SSB: variants seen among roughly 807,000 people sequenced by gnomAD.
The protein encoded by SSB is lupus La protein.
A neutral mutation model predicts 52.9 loss-of-function variants in SSB; 17 were observed. The ratio of observed to expected loss-of-function variants is 0.32; its 90% CI spans 0.22 to 0.48. The LOEUF is 0.48. SSB is among the 20% of genes least tolerant of loss of function. SSB has a pLI of 0.99. For missense variants in SSB, 314 were observed against 463.6 expected (o/e 0.68, Z 2.96); for synonymous variants, 111 against 152.1 (o/e 0.73, Z 1.99).
Position 169,810,433 on chromosome 2 carries a change from C to T in SSB, c.810+10C>T, listed in dbSNP as rs894534703. 1 of 1,581,004 alleles carries T rather than the reference C, an allele frequency of 6.3e-7. No homozygotes were observed. The highest frequency in any genetic ancestry group is 1.4e-5 in the African/African-American group (1 of 72,864). On this transcript the variant is annotated intron_variant, in intron 9 of 11. Coordinates refer to ENST00000260956, the MANE Select transcript of SSB (RefSeq NM_003142.5). ...CAGAGGAGCAAAAGAGGTTTGGATA[C>T]ATCCCTATCCTTTTTAGCAATCAGT...
At chr2:169,803,508 C>T (rs1013955567) in intron 2 of SSB, among the ~76,000 whole-genome samples, 8 of 152,050 alleles carry the variant, frequency 5.3e-5, no homozygotes, top group Non-Finnish European at 8.8e-5. Context: ...CTTCGGCCAC[C>T]CAAAGTGCTG....
chr2:169,804,600 C>T (rs1196168210), intron 2 of SSB, among the ~76,000 whole-genome samples: 4 of 151,774 alleles, frequency 2.6e-5, no homozygotes, highest in African/African-American at 9.7e-5. Context: ...GGCTGGAATG[C>T]AGTGGCACAA....
Position 169,811,988 on chromosome 2 carries a change from TA to T in SSB, c.*235del. The T allele has an allele frequency of 9.4e-7, 1 of 1,060,612 alleles. No individual in the cohort carries two copies. Among genetic ancestry groups the T allele is most frequent in the Non-Finnish European group, 1.4e-6 (1 of 730,152 alleles). 65.7% of individuals were successfully genotyped at this position (1,060,612 alleles called of 1,614,324 possible). On this transcript the variant is annotated 3_prime_UTR_variant, in exon 12 of 12. Coordinates refer to ENST00000260956, the MANE Select transcript of SSB (RefSeq NM_003142.5). ...AATATCAAAAGGAAGATTCTTCCAT[TA>T]AATTGCCTTTGTAATATGAGAATGT...
Position 169,805,493 on chromosome 2 carries a change from A to C in SSB, c.86A>C (p.Asn29Thr). 1 of 1,613,344 alleles carries C rather than the reference A, an allele frequency of 6.2e-7. No individual in the cohort carries two copies. Among genetic ancestry groups the C allele is most frequent in the African/African-American group, 1.3e-5 (1 of 75,048 alleles). ...HQIEYYFGDF[N>T]LPRDKFLKEQ... is the part of the protein sequence containing the mutation. ...TCACAGTATTATTTTGGCGACTTCAATTTGCCACGGGACAAGTTTCTAAAG... is the reference window on the plus strand; with the variant it reads ...TCACAGTATTATTTTGGCGACTTCACTTTGCCACGGGACAAGTTTCTAAAG... Residue 29 changes from asparagine (N) to threonine (T), a missense_variant, in exon 3 of 12, where the codon AAT (asparagine) becomes ACT (threonine). Transcript: ENST00000260956.
At chr2:169,802,299 A>G (rs1448824094) in intron 2 of SSB, among the ~76,000 whole-genome samples, 1 of 151,546 alleles carries the variant, frequency 6.6e-6, no homozygotes, top group Non-Finnish European at 1.5e-5. Context: ...AAACCTTAAA[A>G]TCTTTACAAT....
rs372486285 is a variant in SSB, at chr2:169,811,759, T to G, written c.*3T>G. ...AAAATGGTGCTGGAGACCAGTAGTT[T>G]AGTAAACCAATTTTTTATTCATTTT... is the stretch of plus-strand genomic sequence containing the variant. On this transcript the variant is annotated 3_prime_UTR_variant, in exon 12 of 12. Coordinates refer to ENST00000260956, the MANE Select transcript of SSB (RefSeq NM_003142.5). 15 of 1,613,056 alleles carry G rather than the reference T, an allele frequency of 9.3e-6. 1 individual carries two copies. The highest frequency in any genetic ancestry group is 1.3e-5 in the African/African-American group (1 of 74,838).
chr2:169,811,865 G>A lies in SSB; in HGVS notation c.*109G>A, dbSNP rs565194767. On this transcript the variant is annotated 3_prime_UTR_variant, in exon 12 of 12. Coordinates refer to ENST00000260956, the MANE Select transcript of SSB (RefSeq NM_003142.5). ...GGTCCACTTCAATGTCCACCTGTGA[G>A]AAAGGAAAAATTTTTTTGTTGTTTA... 6 of 1,612,070 alleles carry A rather than the reference G, an allele frequency of 3.7e-6. No homozygotes were observed. In the South Asian group the frequency reaches 5.5e-5, roughly 15 times the overall value.
At chr2:169,810,743 C>G (rs1689933083) in intron 9 of SSB, 115 bp from the exon 10 acceptor site, 9 of 1,036,648 alleles carry the variant, frequency 8.7e-6, no homozygotes, top group Non-Finnish European at 1.3e-5. Flanking sequence ...AAAATTCATT[C>G]AAACTGGTAA....
At chr2:169,808,668 C>G in intron 7 of SSB, 115 bp downstream of exon 7, 1 of 1,096,366 alleles carries the variant, frequency 9.1e-7, no homozygotes, top group South Asian at 1.5e-5. Flanking sequence ...TAGTGAAACA[C>G]TGAGATCTTA....
chr2:169,805,786 C>T lies in SSB; in HGVS notation c.292C>T (p.Pro98Ser), dbSNP rs1689817066. ...CAGAAGGTCTCCAAGCAAACCCCTA[C>T]CTGAAGTGACTGATGAGTATAAAAA... ...KIRRSPSKPL[P>S]EVTDEYKNDV... The change falls in exon 4 of 12, where the codon CCT becomes TCT. Residue 98 changes from proline (P) to serine (S), a missense_variant. Coordinates refer to ENST00000260956, the MANE Select transcript of SSB (RefSeq NM_003142.5). The T allele has an allele frequency of 1.2e-6, 2 of 1,613,970 alleles. No homozygotes were observed. Among genetic ancestry groups the T allele is most frequent in the East Asian group, 2.2e-5 (1 of 44,860 alleles).
intron 11 of SSB, 148 bp downstream of exon 11, chr2:169,811,471 T>G (rs1689954596): frequency 7.8e-7 from 1 of 1,290,318 alleles, no homozygotes; most frequent in Non-Finnish European, 1.0e-6. Context: ...TCGGTTATGC[T>G]GTTGTATAAG....
chr2:169,805,354 AGT>A, intron 2 of SSB, 118 bp from the exon 3 acceptor site: 2 of 658,056 alleles, frequency 3.0e-6, no homozygotes, highest in Non-Finnish European at 5.1e-6. Flanking sequence ...ATTTGGGGAA[AGT>A]GTTTTGCCTT....
intron 1 of SSB, among the ~76,000 whole-genome samples, chr2:169,800,594 TA>T (rs1689693263): frequency 6.8e-6 from 1 of 147,324 alleles, no homozygotes; most frequent in South Asian, 2.1e-4. Flanking sequence ...AGAGCCATGG[TA>T]ATATACAGAT....
chr2:169,806,893 G>C lies in SSB; in HGVS notation c.453+1G>C, dbSNP rs1051448. Reference sequence around the variant, plus strand: ...AAGAACATTGCATAAAGCATTTAAGGTATGATAATACAGACTTTTTCTAGT... The same window carrying C: ...AAGAACATTGCATAAAGCATTTAAGCTATGATAATACAGACTTTTTCTAGT... On this transcript the variant is annotated splice_donor_variant, in intron 5 of 11. Transcript: ENST00000260956. LOFTEE classifies it high-confidence loss of function. 6.2e-7 allele frequency: 1 copy of C among 1,610,796 alleles called. No homozygotes were observed. Among genetic ancestry groups the C allele is most frequent in the Non-Finnish European group, 8.5e-7 (1 of 1,178,442 alleles).
At chr2:169,805,061 C>T (rs1258082231) in intron 2 of SSB, among the ~76,000 whole-genome samples, 4 of 152,096 alleles carry the variant, frequency 2.6e-5, no homozygotes, top group East Asian at 1.9e-4. Flanking sequence ...ACCTGGGAAG[C>T]GGAGGTTGCG....
intron 1 of SSB, among the ~76,000 whole-genome samples, chr2:169,800,725 G>T (rs1407053173): frequency 6.6e-6 from 1 of 152,084 alleles, no homozygotes; most frequent in Non-Finnish European, 1.5e-5. Flanking sequence ...ATGGGGTAGT[G>T]ATTTACTGAA....
rs1343178663 is a variant in SSB at position 169,808,917 on chromosome 2, C to T, written c.669+15C>T. 1.3e-6 allele frequency: 2 copies of T among 1,590,668 alleles called. No individual in the cohort carries two copies. The highest frequency in any genetic ancestry group is 1.7e-6 in the Non-Finnish European group (2 of 1,159,334). On this transcript the variant is annotated intron_variant, in intron 8 of 11. Coordinates refer to ENST00000260956, the MANE Select transcript of SSB (RefSeq NM_003142.5). ...ATGCTGAAATGGTAAGTATATATTA[C>T]TGCTATCTAGTACATCTGTAATTCG...
intron 2 of SSB, among the ~76,000 whole-genome samples, chr2:169,804,752 G>T (rs563317300): frequency 1.3e-5 from 2 of 152,150 alleles, no homozygotes; most frequent in Admixed American, 6.5e-5. Context: ...GACCATGTCG[G>T]CCAGGGTGGT....
At chr2:169,803,459 A>G (rs531904904) in intron 2 of SSB, among the ~76,000 whole-genome samples, 1 of 152,218 alleles carries the variant, frequency 6.6e-6, no homozygotes, top group East Asian at 1.9e-4. Flanking sequence ...CATGTTGGTC[A>G]GGCTGGTTTC....
Sources: gnomAD v4.1 joint callset for allele counts (sites outside exome capture counted in the v4.1 genomes callset) on GRCh38, gnomAD v4.1.1 for gene constraint, MANE v1.5 for transcripts, NCBI Gene and HGNC (gene_info 2026-07-23, HGNC 2026-07-21) for gene names.